The following UNC5B variants were observed in gnomAD, a reference collection of about 807,000 sequenced individuals.
UNC5B encodes the protein netrin receptor UNC5B.
UNC5B carries 56 observed loss-of-function variants against 103.7 expected under a neutral mutation model. The ratio of observed to expected loss-of-function variants is 0.54; its 90% confidence interval spans 0.44 to 0.67. UNC5B has a LOEUF of 0.67. Among genes scored for constraint, UNC5B ranks in the 30% least tolerant of loss-of-function variants. The pLI, the probability that UNC5B is intolerant of heterozygous loss-of-function variation, is 0.00. For synonymous variants in UNC5B, 577 were observed against 542.0 expected (o/e 1.06, Z -0.90); for missense variants, 1,194 against 1,284.5 (o/e 0.93, Z 1.08).
chr10:71,218,947 C>A (rs892766521), intron 1 of UNC5B, among the ~76,000 whole-genome samples: 1 of 152,140 alleles, frequency 6.6e-6, no homozygotes, highest in African/African-American at 2.4e-5. Context: ...CACACCCACA[C>A]ACATGCTGGA....
Position 71,293,701 on chromosome 10 carries a change from A to T in UNC5B, c.1943A>T (p.Glu648Val), listed in dbSNP as rs149681142. 6.3e-7 allele frequency: 1 copy of T among 1,592,898 alleles called. No homozygotes were observed. Among genetic ancestry groups the T allele is most frequent in the Admixed American group, 1.8e-5 (1 of 56,372 alleles). The change falls in exon 13 of 17, where the codon GAG (glutamate) becomes GTG (valine). Residue 648 changes from glutamate (E) to valine (V), a missense_variant and splice_region_variant. Physicochemically the swap from Glu to Val is moderately radical, Grantham distance 121. Transcript: ENST00000335350. ...KTQAHQGHWEEVVTLDEETLN... is the reference protein window; with the variant it reads ...KTQAHQGHWEVVVTLDEETLN... ...CCCCACCCTTGCTGTCCCCTACAGG[A>T]GGTGGTGACCCTGGATGAGGAGACC... is the stretch of plus-strand genomic sequence containing the variant.
At chr10:71,243,875 G>A (rs537554610) in intron 1 of UNC5B, among the ~76,000 whole-genome samples, 1 of 152,364 alleles carries the variant, frequency 6.6e-6, no homozygotes, top group African/African-American at 2.4e-5. Context: ...AGGACCTTAT[G>A]TATCAGGCTG....
At chr10:71,291,953 C>A in intron 10 of UNC5B, 132 bp downstream of exon 10, 2 of 1,339,036 alleles carry the variant, frequency 1.5e-6, no homozygotes, top group African/African-American at 2.9e-5. Flanking sequence ...GGCCTGAAGG[C>A]AGGAAGTGAG....
chr10:71,242,519 C>T (rs995781261), intron 1 of UNC5B, among the ~76,000 whole-genome samples: 5 of 152,198 alleles, frequency 3.3e-5, no homozygotes, highest in Non-Finnish European at 1.5e-5. Flanking sequence ...AGGGCCTGTC[C>T]ACCCTCTAGA....
chr10:71,244,711 C>T (rs572036117), intron 1 of UNC5B, among the ~76,000 whole-genome samples: 14 of 152,206 alleles, frequency 9.2e-5, no homozygotes, highest in African/African-American at 2.2e-4. Flanking sequence ...CTAGGATGTC[C>T]GCTTCCGAGA....
rs370336249 is a variant in UNC5B, at chr10:71,296,566, C to T, written c.2326-12C>T. Reference sequence around the variant, plus strand: ...GCCTTGCCTGCCTGGTCCTGACCCCCTCCTCCTGCAGGAGATCCCCTTCTA... The same window carrying T: ...GCCTTGCCTGCCTGGTCCTGACCCCTTCCTCCTGCAGGAGATCCCCTTCTA... On this transcript the variant is annotated splice_polypyrimidine_tract_variant and intron_variant, in intron 14 of 16. Transcript: ENST00000335350. The T allele has an allele frequency of 2.7e-5, 44 of 1,613,046 alleles. No individual in the cohort carries two copies. The highest frequency in any genetic ancestry group is 3.6e-5 in the Non-Finnish European group (43 of 1,179,810).
chr10:71,279,427 G>C lies in UNC5B; in HGVS notation c.80-394G>C, dbSNP rs145807745. On this transcript the variant is annotated intron_variant, in intron 1 of 16. Coordinates refer to ENST00000335350, the MANE Select transcript of UNC5B (RefSeq NM_170744.5). ...TTTCCAGCCCATTGCATCTCGTGGC[G>C]TCACCATGAGGAACTGGATAGAAGC... Among the ~76,000 whole-genome samples, 463 of 152,312 alleles carry C rather than the reference G, an allele frequency of 3.0e-3. 1 individual carries two copies. Among genetic ancestry groups the C allele is most frequent in the African/African-American group, 0.01 (428 of 41,576 alleles).
In UNC5B at chr10:71,212,939, A is replaced by T; in HGVS notation, c.-47A>T. ...AGACGGCGGCGGCGAGACTGGGGCC[A>T]GGGAGACAGCCCTGGGGGAGAGGCG... On this transcript the variant is annotated 5_prime_UTR_variant, in exon 1 of 17. Transcript: ENST00000335350. 1.6e-6 allele frequency: 2 copies of T among 1,262,690 alleles called. No individual in the cohort carries two copies. The highest frequency in any genetic ancestry group is 2.0e-6 in the Non-Finnish European group (2 of 999,502). The allele number at this position is 1,262,690 out of a possible 1,614,324, so 78.2% of individuals were successfully genotyped here.
chr10:71,245,152 A>G lies in UNC5B; in HGVS notation c.79+32088A>G, dbSNP rs182046382. On this transcript the variant is annotated intron_variant, in intron 1 of 16. Transcript: ENST00000335350. ...AACCCTGGGGACCACTTTTGAAAAGATTTCTTTTTATCCTACATGACGTGT... is the reference window on the plus strand; with the variant it reads ...AACCCTGGGGACCACTTTTGAAAAGGTTTCTTTTTATCCTACATGACGTGT... 3.3e-5 allele frequency among the ~76,000 whole-genome samples: 5 copies of G among 152,134 alleles called. No individual in the cohort carries two copies. The East Asian group carries it at 9.7e-4, about 29-fold the overall frequency.
intron 1 of UNC5B, among the ~76,000 whole-genome samples, chr10:71,214,688 T>G (rs888626887): frequency 6.6e-6 from 1 of 152,118 alleles, no homozygotes; most frequent in Non-Finnish European, 1.5e-5. Context: ...GAATAAATAC[T>G]TAGGTTACCA....
chr10:71,260,026 G>A (rs1844380054), intron 1 of UNC5B, among the ~76,000 whole-genome samples: 1 of 152,220 alleles, frequency 6.6e-6, no homozygotes, highest in South Asian at 2.1e-4. Context: ...CTGCCAGGCA[G>A]GAGCTTCATC....
Position 71,285,327 on chromosome 10 carries a change from C to A in UNC5B, c.450C>A (p.Tyr150Ter). ...TTGGGACCCTCTCGCTTCTCCCAGA[C>A]CTGCGCAAGAACTTCGATCAGGAGC... is the stretch of plus-strand genomic sequence containing the variant. The part of the protein sequence containing the change: ...KSRRAYVRIA[Y>*]LRKNFDQEPL... Residue 150 changes from tyrosine (Y) to a stop codon, truncating the protein, a stop_gained and splice_region_variant, in exon 4 of 17, where the codon TAC (tyrosine) becomes TAA (stop). Coordinates refer to ENST00000335350, the MANE Select transcript of UNC5B (RefSeq NM_170744.5). LOFTEE classifies it high-confidence loss of function. 1 of 1,609,214 alleles carries A rather than the reference C, an allele frequency of 6.2e-7. No homozygotes were observed.
chr10:71,237,754 G>A (rs1020069297), intron 1 of UNC5B, among the ~76,000 whole-genome samples: 2 of 152,150 alleles, frequency 1.3e-5, no homozygotes, highest in African/African-American at 4.8e-5. Flanking sequence ...GAGCAGAAGT[G>A]GTCTTTACTA....
chr10:71,285,260 G>GTA (rs1491394766), intron 3 of UNC5B, 66 bp from the exon 4 acceptor site: 2 of 1,480,514 alleles, frequency 1.4e-6, no homozygotes, highest in South Asian at 1.2e-5. Flanking sequence ...AGTGGCTACA[G>GTA]TGTAGCACAT....
chr10:71,236,402 C>A (rs115068292), intron 1 of UNC5B, among the ~76,000 whole-genome samples: 1,783 of 152,280 alleles, frequency 0.012, 24 homozygotes, highest in African/African-American at 0.036. Flanking sequence ...AATGCAAGAT[C>A]ATTTTTTATG....
intron 1 of UNC5B, among the ~76,000 whole-genome samples, chr10:71,249,331 C>A (rs1844121085): frequency 6.6e-6 from 1 of 152,212 alleles, no homozygotes; most frequent in African/African-American, 2.4e-5. Context: ...CCAAAGGGAC[C>A]CCATTTGGGA....
intron 15 of UNC5B, 90 bp downstream of exon 15, chr10:71,296,832 C>T (rs1269398517): frequency 3.4e-6 from 3 of 874,428 alleles, no homozygotes; most frequent in East Asian, 5.5e-5. Context: ...CTGCACACCA[C>T]GCTGGCGGAG....
rs891774373 is a variant in UNC5B at position 71,213,814 on chromosome 10, G to C, written c.79+750G>C. 6.7e-6 allele frequency among the ~76,000 whole-genome samples: 1 copy of C among 150,064 alleles called. No homozygotes were observed. Among genetic ancestry groups the C allele is most frequent in the Non-Finnish European group, 1.5e-5 (1 of 67,708 alleles). On this transcript the variant is annotated intron_variant, in intron 1 of 16. Transcript: ENST00000335350. This position sits in a 1 kb window ranked among gnomAD's most constrained non-coding sequence, Gnocchi z 4.1. Reference sequence around the variant, plus strand: ...TCCTGCGGAGTTTCCTTTTAAATTGGTCACTGACATTCTCGCTGTCCGGGG... The same window carrying C: ...TCCTGCGGAGTTTCCTTTTAAATTGCTCACTGACATTCTCGCTGTCCGGGG...
rs1432828135 is a variant in UNC5B at position 71,300,707 on chromosome 10, C to G, written c.*1430C>G. 6.6e-6 allele frequency: 1 copy of G among 152,298 alleles called. No homozygotes were observed. Among genetic ancestry groups the G allele is most frequent in the Non-Finnish European group, 1.5e-5 (1 of 68,086 alleles). The allele number at this position is 152,298 out of a possible 1,614,324, so 9.4% of individuals were successfully genotyped here. A position where few individuals can be genotyped will look rare whatever the true frequency, so the allele number is the denominator to read the frequency against. On this transcript the variant is annotated 3_prime_UTR_variant, in exon 17 of 17. Transcript: ENST00000335350. The stretch of plus-strand genomic sequence containing the variant: ...GAGAAGTCCTCTCTAGCTGCAGAAG[C>G]CTGAGCTTCCCGGTGTCAGTCAGCT...
Sources: allele counts gnomAD v4.1 joint callset (sites outside exome capture counted in the v4.1 genomes callset), GRCh38; gene constraint gnomAD v4.1.1; non-coding constraint Gnocchi (gnomAD v3.1); transcripts MANE v1.5; gene names NCBI Gene and HGNC (gene_info 2026-07-23, HGNC 2026-07-21).